The following GALNT3 variants were observed in gnomAD, a reference collection of about 807,000 sequenced individuals.
GALNT3 encodes the protein polypeptide N-acetylgalactosaminyltransferase 3.
GALNT3 carries 51 observed loss-of-function variants against 69.8 expected under a neutral mutation model. That is an observed-to-expected ratio of 0.73 (90% CI 0.58 to 0.92). The LOEUF is 0.92. Among genes scored for constraint, GALNT3 ranks in the 40% least tolerant of loss-of-function variants. GALNT3 has a pLI of 0.00. For synonymous variants in GALNT3, 265 were observed against 248.5 expected (o/e 1.07, Z -0.63); for missense variants, 711 against 760.0 (o/e 0.94, Z 0.76).
intron 2 of GALNT3, among the ~76,000 whole-genome samples, chr2:165,769,115 T>A (rs1305940069): frequency 6.8e-6 from 1 of 148,034 alleles, no homozygotes; most frequent in African/African-American, 2.5e-5. Context: ...ACTTAAAAAC[T>A]TACTGAGGGG....
chr2:165,760,489 G>A (rs923900792), intron 4 of GALNT3, among the ~76,000 whole-genome samples: 1 of 152,208 alleles, frequency 6.6e-6, no homozygotes, highest in Non-Finnish European at 1.5e-5. Context: ...GGTCCGGGAG[G>A]ACCGTCAGAC....
At chr2:165,764,813 C>T (rs192152115) in intron 3 of GALNT3, 71 bp downstream of exon 3, 1 of 1,494,596 alleles carries the variant, frequency 6.7e-7, no homozygotes, top group South Asian at 1.1e-5. Context: ...GAGAGTACCA[C>T]ATAACCAAGT....
At position 165,759,347 on chromosome 2, in the gene GALNT3, G is replaced by T; in HGVS notation, c.1062C>A (p.Thr354=). ...AGCAATCATCTTACTTAATTGGGTAGGTTTCATCTTTCCTTCTTTGCTTCT... is the reference window on the plus strand; with the variant it reads ...AGCAATCATCTTACTTAATTGGGTATGTTTCATCTTTCCTTCTTTGCTTCT... The part of the protein sequence containing the change: ...DHEKQRRKDE[T]YPIKTPTFAG... Residue 354 remains threonine (T), a synonymous_variant, in exon 5 of 11, where the codon ACC becomes ACA. Transcript: ENST00000392701. 3.1e-6 allele frequency: 5 copies of T among 1,612,834 alleles called. No homozygotes were observed. The highest frequency in any genetic ancestry group is 4.2e-6 in the Non-Finnish European group (5 of 1,179,152).
Position 165,759,323 on chromosome 2 carries a change from G to C in GALNT3, c.1073+13C>G. On this transcript the variant is annotated intron_variant, in intron 5 of 10. Coordinates refer to ENST00000392701, the MANE Select transcript of GALNT3 (RefSeq NM_004482.4). ...AGGGTGTAAATATAAGACTCTGAGA[G>C]CAATCATCTTACTTAATTGGGTAGG... The C allele has an allele frequency of 6.3e-7, 1 of 1,590,396 alleles. No homozygotes were observed. Among genetic ancestry groups the C allele is most frequent in the South Asian group, 1.1e-5 (1 of 90,220 alleles).
chr2:165,784,786 G>C (rs1245479885), intron 1 of GALNT3, among the ~76,000 whole-genome samples: 1 of 152,206 alleles, frequency 6.6e-6, no homozygotes, highest in Non-Finnish European at 1.5e-5. Flanking sequence ...GGCAATGATA[G>C]AGGGTAGAGT....
chr2:165,749,251 T>C (rs1275952312), intron 10 of GALNT3, among the ~76,000 whole-genome samples: 4 of 152,088 alleles, frequency 2.6e-5, no homozygotes, highest in African/African-American at 7.2e-5. Flanking sequence ...CAAAACAATG[T>C]TCAGGTAAGA....
At chr2:165,759,651 G>A in intron 4 of GALNT3, 81 bp from the exon 5 acceptor site, 1 of 994,904 alleles carries the variant, frequency 1.0e-6, no homozygotes, top group Non-Finnish European at 1.6e-6. Flanking sequence ...GGTTTACAGA[G>A]AAATGAGAAT....
chr2:165,748,198 G>T lies in GALNT3; in HGVS notation c.*583C>A, dbSNP rs1688293715. 5.1e-6 allele frequency: 1 copy of T among 194,662 alleles called. No individual in the cohort carries two copies. The highest frequency in any genetic ancestry group is 6.1e-5 in the Admixed American group (1 of 16,398). 12.1% of individuals were successfully genotyped at this position (194,662 alleles called of 1,614,324 possible). On this transcript the variant is annotated 3_prime_UTR_variant, in exon 11 of 11. Coordinates refer to ENST00000392701, the MANE Select transcript of GALNT3 (RefSeq NM_004482.4). ...TTAAAATTTGCCAAGAAATTTAAGT[G>T]TTAAAAATACTCTTCTCCTTATTCA...
At chr2:165,773,431 C>T (rs1026828297) in intron 1 of GALNT3, among the ~76,000 whole-genome samples, 4 of 152,124 alleles carry the variant, frequency 2.6e-5, no homozygotes, top group Non-Finnish European at 5.9e-5. Flanking sequence ...TATAAATTAT[C>T]CAGTCTCTGG....
At chr2:165,794,432 TGCTCCGCGCAAGTTGTGGCTCC>T (rs1256280202), upstream of GALNT3, 1 of 152,568 alleles carries the variant, frequency 6.6e-6, no homozygotes, top group Non-Finnish European at 1.5e-5. Context: ...GCGAGGCTGC[TGCTCCGCGCAAGTTGTGGCTCC>T]CGGCCCATCT....
Position 165,770,349 on chromosome 2 carries a change from A to G in GALNT3, c.352T>C (p.Ser118Pro). Residue 118 changes from serine to proline, a missense_variant, in exon 2 of 11, where the codon TCA becomes CCA. Transcript: ENST00000392701. ...KPVLDRPPQD[S>P]NAPGASGKAF... ...TTACCAGAAGCACCAGGTGCATTTG[A>G]ATCCTGAGGTGGACGGTCAAGGACA... The G allele has an allele frequency of 6.2e-7, 1 of 1,614,166 alleles. No homozygotes were observed. The highest frequency in any genetic ancestry group is 8.5e-7 in the Non-Finnish European group (1 of 1,180,032).
chr2:165,765,428 T>G (rs1574004174), intron 2 of GALNT3, among the ~76,000 whole-genome samples: 1 of 152,108 alleles, frequency 6.6e-6, no homozygotes, highest in East Asian at 1.9e-4. Flanking sequence ...AAAACCAAAT[T>G]TTTCTTATTT....
At chr2:165,777,809 C>A (rs1275670677) in intron 1 of GALNT3, among the ~76,000 whole-genome samples, 1 of 152,180 alleles carries the variant, frequency 6.6e-6, no homozygotes, top group Non-Finnish European at 1.5e-5. Flanking sequence ...TAGAGTTACT[C>A]TGGGTGGCTG....
intron 1 of GALNT3, 77 bp downstream of exon 1, chr2:165,793,938 A>G (rs1683407522): frequency 6.6e-6 from 1 of 152,272 alleles, no homozygotes; most frequent in Non-Finnish European, 1.5e-5. Context: ...CAACACGTGA[A>G]CCCCTGCGGC....
chr2:165,786,228 G>C (rs1455223555), intron 1 of GALNT3, among the ~76,000 whole-genome samples: 1 of 152,138 alleles, frequency 6.6e-6, no homozygotes, highest in Admixed American at 6.5e-5. Flanking sequence ...TATTTGAAAA[G>C]GTAAGGGCTA....
At chr2:165,788,574 A>C (rs1683278487) in intron 1 of GALNT3, among the ~76,000 whole-genome samples, 1 of 151,722 alleles carries the variant, frequency 6.6e-6, no homozygotes, top group Non-Finnish European at 1.5e-5. Context: ...TATACACAGG[A>C]CACCTCACCC....
At position 165,747,859 on chromosome 2, in the gene GALNT3, CT is replaced by C. The variant is rs1339218761; in HGVS notation, c.*921del. 1.2e-5 allele frequency: 2 copies of C among 171,354 alleles called. No homozygotes were observed. The highest frequency in any genetic ancestry group is 2.5e-5 in the Non-Finnish European group (2 of 78,844). 10.6% of individuals were successfully genotyped at this position (171,354 alleles called of 1,614,324 possible). ...TTTCCACATAGATAAAAAAATAAGG[CT>C]TTTTGATGAAAAGAATCCATTACAA... is the stretch of plus-strand genomic sequence containing the variant. On this transcript the variant is annotated 3_prime_UTR_variant, in exon 11 of 11. Transcript: ENST00000392701.
intron 1 of GALNT3, among the ~76,000 whole-genome samples, chr2:165,782,212 G>A (rs760843730): frequency 1.3e-5 from 2 of 152,076 alleles, no homozygotes; most frequent in Non-Finnish European, 2.9e-5. Flanking sequence ...TTTGAAGAAA[G>A]GGGAAATTCT....
At chr2:165,748,948 G>T (rs1253074898) in intron 10 of GALNT3, 45 bp from the exon 11 acceptor site, 2 of 1,564,608 alleles carry the variant, frequency 1.3e-6, no homozygotes, top group Non-Finnish European at 1.8e-6. Context: ...AAGACTCATA[G>T]TTAAGTGACA....
Sources: gnomAD v4.1 joint callset for allele counts (sites outside exome capture counted in the v4.1 genomes callset) on GRCh38, gnomAD v4.1.1 for gene constraint, MANE v1.5 for transcripts, NCBI Gene and HGNC (gene_info 2026-07-23, HGNC 2026-07-21) for gene names.